The following ASIC2 variants were observed in gnomAD, a reference collection of about 807,000 sequenced individuals.
ASIC2 encodes the protein acid-sensing ion channel 2.
Under a neutral mutation model 57.3 loss-of-function variants are expected in ASIC2, and 25 were observed. The ratio of observed to expected loss-of-function variants is 0.44; its 90% CI spans 0.32 to 0.61. The LOEUF (loss-of-function observed/expected upper bound fraction) is 0.61, where lower values mean the gene tolerates loss of function less well. Ranked by LOEUF, ASIC2 falls within the 20% of genes least tolerant of loss-of-function variation. The probability of loss-of-function intolerance (pLI) is 0.06; values close to 1 mark genes in which losing one functional copy is unlikely to be tolerated. For synonymous variants in ASIC2, 319 were observed against 307.5 expected (o/e 1.04, Z -0.39); for missense variants, 641 against 738.1 (o/e 0.87, Z 1.52).
At chr17:33,662,441 T>A (rs1463454399) in intron 1 of ASIC2, among the ~76,000 whole-genome samples, 1 of 150,878 alleles carries the variant, frequency 6.6e-6, no homozygotes. Context: ...GCCAACAAAG[T>A]GAAACCCCAT....
At chr17:34,065,547 A>G (rs1909141103) in intron 1 of ASIC2, among the ~76,000 whole-genome samples, 1 of 152,160 alleles carries the variant, frequency 6.6e-6, no homozygotes, top group Admixed American at 6.5e-5. Context: ...TAAAAAAGCA[A>G]TTTTATCTGT....
At chr17:33,914,610 C>G (rs1247477986) in intron 1 of ASIC2, among the ~76,000 whole-genome samples, 4 of 152,124 alleles carry the variant, frequency 2.6e-5, no homozygotes, top group Admixed American at 2.6e-4. Context: ...TATGGGGCCA[C>G]CTGGATGTGG....
chr17:33,207,851 GAGATCCC>G (rs1342353454), intron 1 of ASIC2, among the ~76,000 whole-genome samples: 2 of 152,172 alleles, frequency 1.3e-5, no homozygotes, highest in African/African-American at 4.8e-5. Flanking sequence ...CTGGCTCCTG[GAGATCCC>G]AGTGGGATTA....
chr17:33,824,932 T>C (rs561400021), intron 1 of ASIC2, among the ~76,000 whole-genome samples: 1 of 152,300 alleles, frequency 6.6e-6, no homozygotes, highest in East Asian at 1.9e-4. Flanking sequence ...AACAGACTAA[T>C]ACAGTAGATG....
chr17:33,813,408 G>A (rs376773452), intron 1 of ASIC2, among the ~76,000 whole-genome samples: 81 of 152,272 alleles, frequency 5.3e-4, no homozygotes, highest in African/African-American at 1.7e-3. Flanking sequence ...GCCCCAGAGT[G>A]CCAGCATTAA....
chr17:33,032,679 C>T (rs1179033818), intron 3 of ASIC2, among the ~76,000 whole-genome samples: 1 of 152,114 alleles, frequency 6.6e-6, no homozygotes, highest in African/African-American at 2.4e-5. Context: ...AAACTCCTGA[C>T]CTCAAATGAC....
At chr17:33,629,355 A>G (rs149385073) in intron 1 of ASIC2, among the ~76,000 whole-genome samples, 3 of 152,294 alleles carry the variant, frequency 2.0e-5, no homozygotes, top group Non-Finnish European at 2.9e-5. Context: ...GAAAGGGCTG[A>G]CATTTCACTC....
At chr17:33,138,503 C>T (rs1399809309) in intron 1 of ASIC2, among the ~76,000 whole-genome samples, 5 of 152,306 alleles carry the variant, frequency 3.3e-5, no homozygotes, top group East Asian at 3.9e-4. Context: ...GACCTTCACT[C>T]GGAAGTCCTT....
chr17:33,773,703 G>A (rs1253152570), intron 1 of ASIC2, among the ~76,000 whole-genome samples: 1 of 147,092 alleles, frequency 6.8e-6, no homozygotes, highest in Non-Finnish European at 1.5e-5. Flanking sequence ...CCCTCAGGCT[G>A]GAGTGCAGTG....
chr17:33,362,068 G>T (rs1045012096), intron 1 of ASIC2, among the ~76,000 whole-genome samples: 1 of 152,292 alleles, frequency 6.6e-6, no homozygotes, highest in African/African-American at 2.4e-5. Context: ...AGTTGGGAGT[G>T]GTGGACACTC....
intron 1 of ASIC2, among the ~76,000 whole-genome samples, chr17:33,820,863 C>T (rs539967334): frequency 1.6e-4 from 25 of 152,262 alleles, no homozygotes; most frequent in African/African-American, 6.0e-4. Context: ...TTTTACTTCA[C>T]TTAAATGCGG....
chr17:33,762,595 C>T (rs1003184705), intron 1 of ASIC2, among the ~76,000 whole-genome samples: 2 of 152,178 alleles, frequency 1.3e-5, no homozygotes, highest in South Asian at 4.1e-4. Context: ...TAACCATTTT[C>T]AGAAAGGCCG....
At chr17:33,317,045 A>C (rs529712482) in intron 1 of ASIC2, among the ~76,000 whole-genome samples, 1 of 152,370 alleles carries the variant, frequency 6.6e-6, no homozygotes, top group Admixed American at 6.5e-5. Context: ...ACAGCGCAGC[A>C]GTTGCTTAGG....
At chr17:33,664,873 C>T (rs570257802) in intron 1 of ASIC2, among the ~76,000 whole-genome samples, 10 of 152,322 alleles carry the variant, frequency 6.6e-5, no homozygotes, top group Admixed American at 6.5e-4. Context: ...GCAAGCACAA[C>T]AGTCTTCCTG....
chr17:33,222,501 T>A (rs1238184867), intron 1 of ASIC2, among the ~76,000 whole-genome samples: 1 of 152,250 alleles, frequency 6.6e-6, no homozygotes, highest in Non-Finnish European at 1.5e-5. Flanking sequence ...TAGATGCATG[T>A]CCTTGTGTAT....
At chr17:33,408,706 A>C (rs1910552675) in intron 1 of ASIC2, among the ~76,000 whole-genome samples, 1 of 152,208 alleles carries the variant, frequency 6.6e-6, no homozygotes, top group South Asian at 2.1e-4. Context: ...CAAACAGTAG[A>C]TTTGGAGAAG....
intron 1 of ASIC2, chr17:34,071,647 T>G (rs1353621892): frequency 6.6e-6 from 1 of 152,132 alleles, no homozygotes; most frequent in Non-Finnish European, 1.5e-5. Flanking sequence ...CTGGCCAACA[T>G]GGTGAAACTC....
intron 1 of ASIC2, among the ~76,000 whole-genome samples, chr17:34,122,033 C>A (rs1911637614): frequency 1.3e-5 from 2 of 152,192 alleles, no homozygotes; most frequent in African/African-American, 4.8e-5. Flanking sequence ...CTCTGTATGA[C>A]CAAAGCCCAT....
chr17:33,753,692 C>T (rs1290748158), intron 1 of ASIC2, among the ~76,000 whole-genome samples: 1 of 152,142 alleles, frequency 6.6e-6, no homozygotes, highest in African/African-American at 2.4e-5. Flanking sequence ...ACAGCTCATC[C>T]TTTGCCTTAT....
Sources: allele counts gnomAD v4.1 joint callset (sites outside exome capture counted in the v4.1 genomes callset), GRCh38; gene constraint gnomAD v4.1.1; transcripts MANE v1.5; gene names NCBI Gene and HGNC (gene_info 2026-07-23, HGNC 2026-07-21).